STON1: variants seen among roughly 807,000 people sequenced by gnomAD.
STON1 encodes stonin 1, also known as stonin-1.
In STON1, 79 loss-of-function variants were observed where a neutral mutation model predicts 60.9. The observed-to-expected ratio is 1.30, with a 90% CI of 1.08 to 1.56. The LOEUF (loss-of-function observed/expected upper bound fraction) is 1.56. Among genes scored for constraint, STON1 ranks in the 40% most tolerant of loss-of-function variants. STON1 has a pLI of 0.00. For synonymous variants in STON1, 363 were observed against 306.9 expected, an observed-to-expected ratio of 1.18 and a Z score of -1.91; for missense variants, 1,166 against 858.9, an observed-to-expected ratio of 1.36 and a Z score of -4.47.
intron 1 of STON1, among the ~76,000 whole-genome samples, chr2:48,563,302 T>A (rs1243177289): frequency 6.6e-6 from 1 of 152,186 alleles, no homozygotes; most frequent in East Asian, 1.9e-4. Context: ...GAGGATGCTC[T>A]GGGGAAGAAA....
intron 2 of STON1, among the ~76,000 whole-genome samples, chr2:48,590,647 A>ACACACACACACACACC (rs1389412130): frequency 6.6e-6 from 1 of 151,922 alleles, no homozygotes; most frequent in Non-Finnish European, 1.5e-5. Flanking sequence ...ACACACACAC[A>ACACACACACACACACC]CACACACACA....
chr2:48,553,459 T>C (rs1019431487), intron 1 of STON1, among the ~76,000 whole-genome samples: 1 of 151,740 alleles, frequency 6.6e-6, no homozygotes, highest in Non-Finnish European at 1.5e-5. Flanking sequence ...TTGTTTTGTT[T>C]TGTTTTTTTC....
Position 48,582,464 on chromosome 2 carries a change from T to A in STON1, c.1831T>A (p.Ser611Thr). 1.9e-6 allele frequency: 3 copies of A among 1,614,196 alleles called. No individual in the cohort carries two copies. The highest frequency in any genetic ancestry group is 2.5e-6 in the Non-Finnish European group (3 of 1,180,038). ...ACLGSLQELE[S>T]EPVIQVTVGS... ...TCTGGGGAGTTTACAGGAACTTGAA[T>A]CTGAACCTGTCATTCAAGTCACTGT... The change falls in exon 2 of 4, where the codon TCT becomes ACT. Residue 611 changes from serine to threonine, a missense_variant. Coordinates refer to ENST00000404752, the MANE Select transcript of STON1 (RefSeq NM_006873.4).
chr2:48,545,506 C>T (rs1357646759), intron 1 of STON1, among the ~76,000 whole-genome samples: 2 of 152,170 alleles, frequency 1.3e-5, no homozygotes, highest in East Asian at 3.9e-4. Flanking sequence ...CCAGAGGGGC[C>T]ATCTTTCCAT....
At chr2:48,587,430 C>T (rs113620916) in intron 2 of STON1, among the ~76,000 whole-genome samples, 6,616 of 152,222 alleles carry the variant, frequency 0.043, 158 homozygotes, top group Non-Finnish European at 0.057. Flanking sequence ...GTAGCTGGGA[C>T]TACAGGTGCG....
intron 1 of STON1, among the ~76,000 whole-genome samples, chr2:48,563,172 G>T (rs1048480539): frequency 6.6e-6 from 1 of 152,212 alleles, no homozygotes; most frequent in Admixed American, 6.5e-5. Context: ...ATTCCCATGG[G>T]AAATCCCCTG....
intron 1 of STON1, among the ~76,000 whole-genome samples, chr2:48,576,279 T>A (rs1673496192): frequency 7.3e-6 from 1 of 137,366 alleles, no homozygotes; most frequent in Admixed American, 8.3e-5. Flanking sequence ...AACCTCTGCC[T>A]CTTGGGTTCA....
At chr2:48,536,934 C>T (rs1404611857) in intron 1 of STON1, among the ~76,000 whole-genome samples, 1 of 152,130 alleles carries the variant, frequency 6.6e-6, no homozygotes, top group Non-Finnish European at 1.5e-5. Context: ...CTTGCTGGCC[C>T]ATAGAAAGAA....
rs556220362 is a variant in STON1, at chr2:48,575,347, A to G, written c.-47-5240A>G. Among the ~76,000 whole-genome samples, 8 of 152,170 alleles carry G rather than the reference A, an allele frequency of 5.3e-5. No homozygotes were observed. The South Asian group carries it at 1.7e-3, about 32-fold the overall frequency. On this transcript the variant is annotated intron_variant, in intron 1 of 3. Coordinates refer to ENST00000404752, the MANE Select transcript of STON1 (RefSeq NM_006873.4). Reference sequence around the variant, plus strand: ...ATGAGAGTGCAAATATTTTTTCAAGACCCTGTTTTAAATTCTTTTGGATAG... The same window carrying G: ...ATGAGAGTGCAAATATTTTTTCAAGGCCCTGTTTTAAATTCTTTTGGATAG...
chr2:48,542,717 C>G (rs1260661158), intron 1 of STON1, among the ~76,000 whole-genome samples: 1 of 152,058 alleles, frequency 6.6e-6, no homozygotes, highest in East Asian at 1.9e-4. Flanking sequence ...CCAGCCTGGC[C>G]AACATGGCAA....
chr2:48,591,354 GT>G (rs1288120124), intron 2 of STON1, among the ~76,000 whole-genome samples: 2 of 149,976 alleles, frequency 1.3e-5, no homozygotes, highest in African/African-American at 2.5e-5. Flanking sequence ...ATTTTTAGGA[GT>G]TCATCTGTGC....
chr2:48,571,601 T>C (rs146617254), intron 1 of STON1, among the ~76,000 whole-genome samples: 5 of 152,300 alleles, frequency 3.3e-5, no homozygotes, highest in African/African-American at 7.2e-5. Context: ...AGCAGATGAC[T>C]GAGGAAAATG....
At chr2:48,575,109 G>T (rs1014799503) in intron 1 of STON1, among the ~76,000 whole-genome samples, 2 of 152,218 alleles carry the variant, frequency 1.3e-5, no homozygotes, top group East Asian at 3.8e-4. Context: ...GAGGAGTCAT[G>T]TAGGATTTGT....
In STON1 at chr2:48,581,698, A is replaced by G; in HGVS notation, c.1065A>G (p.Thr355=). ...TGAAGATTGAACATGTGTCTTACAC[A>G]GAAAAAAGGAAATACCATTCTAAGA... ...HTVKIEHVSY[T]EKRKYHSKTE... is the part of the protein sequence containing the mutation. The change falls in exon 2 of 4, where the codon ACA becomes ACG. Residue 355 remains threonine (T), a synonymous_variant. Transcript: ENST00000404752. The G allele has an allele frequency of 1.2e-6, 2 of 1,611,014 alleles. No homozygotes were observed. Among genetic ancestry groups the G allele is most frequent in the Non-Finnish European group, 1.7e-6 (2 of 1,179,178 alleles).
chr2:48,542,894 ACT>A (rs201904460), intron 1 of STON1, among the ~76,000 whole-genome samples: 10,740 of 147,966 alleles, frequency 0.073, 536 homozygotes, highest in Non-Finnish European at 0.11. Context: ...ACAGAGTGAG[ACT>A]CTGTCTCAAA....
At chr2:48,547,480 G>A (rs1204862955) in intron 1 of STON1, among the ~76,000 whole-genome samples, 1 of 152,218 alleles carries the variant, frequency 6.6e-6, no homozygotes, top group East Asian at 1.9e-4. Context: ...ACGAGGCATG[G>A]CCAGGATGAG....
intron 1 of STON1, 125 bp downstream of exon 1, chr2:48,530,341 T>A: frequency 3.6e-6 from 1 of 275,386 alleles, no homozygotes; most frequent in Non-Finnish European, 7.0e-6. Context: ...CCAGGGCCGC[T>A]CGGCGCCTCC....
chr2:48,564,578 T>TCCTCCTC lies in STON1; in HGVS notation c.-47-16008_-47-16007insCTCCTCC. 1.3e-4 allele frequency among the ~76,000 whole-genome samples: 4 copies of TCCTCCTC among 31,710 alleles called. 2 individuals are homozygous for TCCTCCTC. Among genetic ancestry groups the TCCTCCTC allele is most frequent in the Non-Finnish European group, 2.2e-4 (4 of 18,578 alleles). 20.8% of individuals were successfully genotyped at this position (31,710 alleles called of 152,430 possible). A position where few individuals can be genotyped will look rare whatever the true frequency, so the allele number is the denominator to read the frequency against. On this transcript the variant is annotated intron_variant, in intron 1 of 3. Transcript: ENST00000404752. The stretch of plus-strand genomic sequence containing the variant: ...TTCTTCTTCTTCTTCTCCTTCTCCT[T>TCCTCCTC]CTCCTCCTCCTCCTCCTCCTCCTCC...
In STON1 at chr2:48,581,637, T is replaced by C; in HGVS notation, c.1004T>C (p.Val335Ala). 1 of 1,614,188 alleles carries C rather than the reference T, an allele frequency of 6.2e-7. No homozygotes were observed. The highest frequency in any genetic ancestry group is 8.5e-7 in the Non-Finnish European group (1 of 1,180,040). The change falls in exon 2 of 4, where the codon GTT becomes GCT. Residue 335 changes from valine to alanine, a missense_variant. Val to Ala is a moderately conservative substitution (Grantham distance 64). Coordinates refer to ENST00000404752, the MANE Select transcript of STON1 (RefSeq NM_006873.4). ...TATTGTAGGCTTTCTGAACCCAAGG[T>C]TGAGAACTTCAGTGTAGCAGGAAAA... ...DPYCRLSEPK[V>A]ENFSVAGKIH...
Sources: gnomAD v4.1 joint callset for allele counts (sites outside exome capture counted in the v4.1 genomes callset) on GRCh38, gnomAD v4.1.1 for gene constraint, MANE v1.5 for transcripts, NCBI Gene and HGNC (gene_info 2026-07-23, HGNC 2026-07-21) for gene names.